STEAP1B: variants seen among roughly 807,000 people sequenced by gnomAD.
The protein encoded by STEAP1B is STEAP family member 1B, also known as STEAP family protein MGC87042.
In STEAP1B, 13 loss-of-function variants were observed where a neutral mutation model predicts 27.9. The ratio of observed to expected loss-of-function variants is 0.47; its 90% CI spans 0.30 to 0.74. STEAP1B has a LOEUF of 0.74. Ranked by LOEUF, STEAP1B falls within the 30% of genes least tolerant of loss-of-function variation. The pLI is 0.06. For missense variants in STEAP1B, 250 were observed against 298.7 expected, an observed-to-expected ratio of 0.84 and a Z score of 1.20; for synonymous variants, 86 against 107.1, an observed-to-expected ratio of 0.80 and a Z score of 1.22.
In STEAP1B at chr7:22,457,557, C is replaced by T. The variant is rs369971690; in HGVS notation, c.762+35008G>A. Among the ~76,000 whole-genome samples, 8 of 152,330 alleles carry T rather than the reference C, an allele frequency of 5.3e-5. No individual in the cohort carries two copies. In the South Asian group the frequency reaches 1.5e-3, roughly 28 times the overall value. ...TTTGTTCCTGAGGTAAGTGGCTTCA[C>T]TAGTGGGTCAGCCTCACCTTTAAAA... On this transcript the variant is annotated intron_variant, in intron 4 of 4. Coordinates refer to ENST00000678116, the MANE Select transcript of STEAP1B (RefSeq NM_001382447.1).
At chr7:22,467,689 T>C (rs1253839431) in intron 4 of STEAP1B, among the ~76,000 whole-genome samples, 1 of 152,224 alleles carries the variant, frequency 6.6e-6, no homozygotes, top group East Asian at 1.9e-4. Flanking sequence ...TCTGCTGCCA[T>C]GTGAGACGTG....
intron 4 of STEAP1B, among the ~76,000 whole-genome samples, chr7:22,455,214 T>C (rs1785560026): frequency 6.6e-6 from 1 of 152,194 alleles, no homozygotes; most frequent in Admixed American, 6.5e-5. Context: ...CAAGTCATTG[T>C]TGAGAGACCA....
At chr7:22,465,410 T>C (rs1294139417) in intron 4 of STEAP1B, among the ~76,000 whole-genome samples, 1 of 152,180 alleles carries the variant, frequency 6.6e-6, no homozygotes, top group Non-Finnish European at 1.5e-5. Context: ...ATGCAGCCAC[T>C]TTTGGAGTAC....
intron 4 of STEAP1B, among the ~76,000 whole-genome samples, chr7:22,443,723 G>C (rs776920759): frequency 3.3e-5 from 5 of 152,196 alleles, no homozygotes; most frequent in Non-Finnish European, 7.3e-5. Flanking sequence ...GCACAGCATT[G>C]CTGGCTGTCA....
At chr7:22,489,701 C>T (rs1467495482) in intron 4 of STEAP1B, among the ~76,000 whole-genome samples, 1 of 152,204 alleles carries the variant, frequency 6.6e-6, no homozygotes, top group African/African-American at 2.4e-5. Context: ...AGGAGACAGA[C>T]CTGGAACAGG....
chr7:22,477,844 T>C (rs1785998438), intron 4 of STEAP1B, among the ~76,000 whole-genome samples: 1 of 152,228 alleles, frequency 6.6e-6, no homozygotes, highest in Admixed American at 6.5e-5. Context: ...TTCTGCTTTA[T>C]CTTAGCACAT....
At chr7:22,469,778 C>T (rs1469938648) in intron 4 of STEAP1B, among the ~76,000 whole-genome samples, 3 of 152,166 alleles carry the variant, frequency 2.0e-5, no homozygotes, top group South Asian at 2.1e-4. Flanking sequence ...AAACATCTAA[C>T]GACACATTTC....
chr7:22,456,149 A>G (rs1290977645), intron 4 of STEAP1B, among the ~76,000 whole-genome samples: 2 of 152,092 alleles, frequency 1.3e-5, no homozygotes, highest in Admixed American at 6.5e-5. Flanking sequence ...TCCATCTCAA[A>G]AAAAAAAAAA....
intron 4 of STEAP1B, among the ~76,000 whole-genome samples, chr7:22,428,058 T>A (rs73083123): frequency 0.14 from 20,753 of 152,158 alleles, 1,711 homozygotes; most frequent in Non-Finnish European, 0.19. Context: ...TGTCCAGAAT[T>A]GAGGCAAGAA....
chr7:22,469,361 G>A lies in STEAP1B; in HGVS notation c.762+23204C>T, dbSNP rs150919203. 2.7e-3 allele frequency among the ~76,000 whole-genome samples: 405 copies of A among 152,238 alleles called. 3 individuals carry two copies. The highest frequency in any genetic ancestry group is 0.014 in the South Asian group (67 of 4,822). On this transcript the variant is annotated intron_variant, in intron 4 of 4. Transcript: ENST00000678116. ...AAAAAAGTTTATATGGTAAGTTACA[G>A]GAAGCTAAGGCTAATTATTGAAGAA...
chr7:22,434,136 T>G (rs1489972870), intron 4 of STEAP1B, among the ~76,000 whole-genome samples: 1 of 152,210 alleles, frequency 6.6e-6, no homozygotes, highest in Non-Finnish European at 1.5e-5. Flanking sequence ...GGGATTCAAC[T>G]TCCTGGATGA....
chr7:22,479,755 G>A (rs1019529591), intron 4 of STEAP1B, among the ~76,000 whole-genome samples: 1 of 141,482 alleles, frequency 7.1e-6, no homozygotes, highest in Admixed American at 7.6e-5. Context: ...TGTGATCTTG[G>A]CCCAGTGCAG....
intron 4 of STEAP1B, among the ~76,000 whole-genome samples, chr7:22,456,572 T>C (rs1785581010): frequency 2.6e-5 from 4 of 152,134 alleles, no homozygotes; most frequent in Admixed American, 2.6e-4. Context: ...CAGATGTGAG[T>C]TGAGACACAA....
chr7:22,433,197 TGCACCCCAAAAGACAGA>T (rs1785212764), intron 4 of STEAP1B, among the ~76,000 whole-genome samples: 1 of 152,094 alleles, frequency 6.6e-6, no homozygotes, highest in African/African-American at 2.4e-5. Context: ...TCCCATTCAT[TGCACCCCAAAAGACAGA>T]GAACCTGGTA....
At chr7:22,474,833 T>C (rs576853087) in intron 4 of STEAP1B, among the ~76,000 whole-genome samples, 7 of 152,248 alleles carry the variant, frequency 4.6e-5, no homozygotes, top group Non-Finnish European at 8.8e-5. Flanking sequence ...TGGTGAGTGG[T>C]GAGTGGACAG....
chr7:22,474,101 G>C (rs555951784), intron 4 of STEAP1B, among the ~76,000 whole-genome samples: 5 of 152,204 alleles, frequency 3.3e-5, no homozygotes, highest in South Asian at 2.1e-4. Flanking sequence ...ATGCCTGGCA[G>C]TGTCTGTTGC....
chr7:22,483,882 T>G (rs772834691), intron 4 of STEAP1B, among the ~76,000 whole-genome samples: 1 of 152,182 alleles, frequency 6.6e-6, no homozygotes. Context: ...TGTCCCCAGT[T>G]ACAATAGTAA....
chr7:22,422,207 C>T (rs2128397944), intron 4 of STEAP1B, among the ~76,000 whole-genome samples: 1 of 152,316 alleles, frequency 6.6e-6, no homozygotes. Flanking sequence ...CATGTATGTG[C>T]CTGGGCCTGT....
intron 4 of STEAP1B, among the ~76,000 whole-genome samples, chr7:22,427,659 C>T (rs144869307): frequency 3.2e-4 from 49 of 152,250 alleles, no homozygotes; most frequent in Middle Eastern, 3.4e-3. Flanking sequence ...AAACATCCAA[C>T]CTAAGAGATT....
Sources: gnomAD v4.1 joint callset for allele counts (sites outside exome capture counted in the v4.1 genomes callset) on GRCh38, gnomAD v4.1.1 for gene constraint, MANE v1.5 for transcripts, NCBI Gene and HGNC (gene_info 2026-07-23, HGNC 2026-07-21) for gene names.